The following ARHGAP24 variants were observed in gnomAD, a reference collection of about 807,000 sequenced individuals.
The protein encoded by ARHGAP24 is rho GTPase-activating protein 24.
ARHGAP24 carries 50 observed loss-of-function variants against 76.4 expected under a neutral mutation model. That is an observed-to-expected ratio of 0.65 (90% CI 0.52 to 0.83). The LOEUF is 0.83. Ranked by LOEUF, ARHGAP24 falls within the 40% of genes least tolerant of loss-of-function variation. ARHGAP24 has a pLI of 0.00. For missense variants in ARHGAP24, 930 were observed against 914.2 expected (o/e 1.02, Z -0.22); for synonymous variants, 345 against 323.3 (o/e 1.07, Z -0.72).
intron 2 of ARHGAP24, among the ~76,000 whole-genome samples, chr4:85,717,603 A>G (rs1167565575): frequency 1.3e-5 from 2 of 152,074 alleles, no homozygotes; most frequent in Admixed American, 1.3e-4. Context: ...TGTACTCTGC[A>G]CATATGGTTC....
intron 2 of ARHGAP24, among the ~76,000 whole-genome samples, chr4:85,662,338 T>C (rs1722425843): frequency 6.6e-6 from 1 of 151,440 alleles, no homozygotes; most frequent in African/African-American, 2.5e-5. Flanking sequence ...TCTGTTGATA[T>C]CCTTCACCCA....
chr4:85,661,635 T>C (rs1412359300), intron 2 of ARHGAP24, among the ~76,000 whole-genome samples: 1 of 152,134 alleles, frequency 6.6e-6, no homozygotes, highest in African/African-American at 2.4e-5. Flanking sequence ...TCATTTAGCA[T>C]TAGGTATATC....
At chr4:85,741,011 A>G (rs1189365579) in intron 3 of ARHGAP24, among the ~76,000 whole-genome samples, 1 of 152,224 alleles carries the variant, frequency 6.6e-6, no homozygotes, top group Non-Finnish European at 1.5e-5. Flanking sequence ...ATTTAAGGAC[A>G]TTATTCTCTT....
chr4:85,668,446 G>C (rs185049208), intron 2 of ARHGAP24, among the ~76,000 whole-genome samples: 2 of 152,310 alleles, frequency 1.3e-5, no homozygotes, highest in Non-Finnish European at 2.9e-5. Flanking sequence ...AAATGAAAGA[G>C]AGCAAAGGGT....
At chr4:85,583,951 G>T (rs1727731873) in intron 2 of ARHGAP24, among the ~76,000 whole-genome samples, 1 of 147,400 alleles carries the variant, frequency 6.8e-6, no homozygotes, top group African/African-American at 2.5e-5. Context: ...AACAGGTGCT[G>T]GAGAGGATGT....
chr4:85,832,883 G>T (rs1730066266), intron 3 of ARHGAP24, among the ~76,000 whole-genome samples: 1 of 152,152 alleles, frequency 6.6e-6, no homozygotes, highest in South Asian at 2.1e-4. Context: ...GCTGCTTGAG[G>T]GGTACCTGGG....
chr4:85,551,844 T>TC (rs1280201924), intron 1 of ARHGAP24, among the ~76,000 whole-genome samples: 1 of 151,556 alleles, frequency 6.6e-6, no homozygotes, highest in Non-Finnish European at 1.5e-5. Flanking sequence ...GAGGGTTTTT[T>TC]TGTATTTCTG....
At chr4:85,779,788 G>A (rs1212269890) in intron 3 of ARHGAP24, among the ~76,000 whole-genome samples, 2 of 151,946 alleles carry the variant, frequency 1.3e-5, no homozygotes, top group East Asian at 3.9e-4. Context: ...AGCATTCCAG[G>A]TGTCACTCTT....
chr4:85,478,391 T>C (rs1722685319), intron 1 of ARHGAP24, among the ~76,000 whole-genome samples: 1 of 152,232 alleles, frequency 6.6e-6, no homozygotes, highest in African/African-American at 2.4e-5. Flanking sequence ...ACTCAAACTT[T>C]ACAAGGTTCT....
At chr4:85,493,439 CACTT>C (rs1168976713) in intron 1 of ARHGAP24, among the ~76,000 whole-genome samples, 1 of 152,210 alleles carries the variant, frequency 6.6e-6, no homozygotes, top group Non-Finnish European at 1.5e-5. Flanking sequence ...CCTTACCCCC[CACTT>C]ACTTACTTTC....
chr4:85,730,059 T>C (rs558067516), intron 3 of ARHGAP24, among the ~76,000 whole-genome samples: 13 of 152,328 alleles, frequency 8.5e-5, no homozygotes, highest in African/African-American at 2.4e-4. Context: ...TCAGGAACTA[T>C]TTGCCAATAT....
intron 2 of ARHGAP24, among the ~76,000 whole-genome samples, chr4:85,654,572 G>A (rs914657212): frequency 6.6e-6 from 1 of 152,090 alleles, no homozygotes; most frequent in African/African-American, 2.4e-5. Context: ...CCTCTCTCAT[G>A]CTGCATACCA....
At chr4:85,696,163 T>G (rs1427822517) in intron 2 of ARHGAP24, among the ~76,000 whole-genome samples, 1 of 50,844 alleles carries the variant, frequency 2.0e-5, no homozygotes, top group Non-Finnish European at 4.3e-5. Context: ...AATGCCCTAT[T>G]TTTAAATTCC....
At chr4:85,996,348 A>G (rs2589505) in intron 9 of ARHGAP24, among the ~76,000 whole-genome samples, 52,149 of 152,120 alleles carry the variant, frequency 0.34, 10,275 homozygotes, top group Non-Finnish European at 0.45. Context: ...AATATGATTT[A>G]TAAAGAAGCA....
At chr4:85,778,677 C>A in intron 3 of ARHGAP24, 1 of 984,320 alleles carries the variant, frequency 1.0e-6, no homozygotes, top group Non-Finnish European at 1.2e-6. Flanking sequence ...GGTTTTTTTT[C>A]CCCTCTCTGT....
chr4:85,832,015 G>C (rs749391573), intron 3 of ARHGAP24, among the ~76,000 whole-genome samples: 1 of 152,106 alleles, frequency 6.6e-6, no homozygotes, highest in Non-Finnish European at 1.5e-5. Context: ...TAGATTAGGA[G>C]GTGATTGTTA....
At chr4:85,526,198 C>T (rs1049054923) in intron 1 of ARHGAP24, among the ~76,000 whole-genome samples, 16 of 151,750 alleles carry the variant, frequency 1.1e-4, no homozygotes, top group African/African-American at 3.9e-4. Flanking sequence ...ATGGCCTGAG[C>T]GAAGTGTTTA....
intron 2 of ARHGAP24, among the ~76,000 whole-genome samples, chr4:85,681,877 G>C (rs1723215851): frequency 6.6e-6 from 1 of 152,146 alleles, no homozygotes; most frequent in African/African-American, 2.4e-5. Flanking sequence ...AGGCTAAAAT[G>C]TATTGACCAC....
chr4:85,874,278 G>C (rs902071441), intron 3 of ARHGAP24, among the ~76,000 whole-genome samples: 5 of 152,168 alleles, frequency 3.3e-5, no homozygotes, highest in African/African-American at 1.2e-4. Context: ...GTCTCAAAGA[G>C]TACTTGCTTC....
Sources: gnomAD v4.1 joint callset for allele counts (sites outside exome capture counted in the v4.1 genomes callset) on GRCh38, gnomAD v4.1.1 for gene constraint, MANE v1.5 for transcripts, NCBI Gene and HGNC (gene_info 2026-07-23, HGNC 2026-07-21) for gene names.